The following MAML2 variants were observed in gnomAD, a reference collection of about 807,000 sequenced individuals.
MAML2 encodes mastermind like transcriptional coactivator 2.
In MAML2, 22 loss-of-function variants were observed where a neutral mutation model predicts 96.1. That is an observed-to-expected ratio of 0.23 (90% CI 0.16 to 0.33). MAML2 has a LOEUF of 0.33. Among genes scored for constraint, MAML2 ranks in the 10% least tolerant of loss-of-function variants. The pLI, the probability that MAML2 is intolerant of heterozygous loss-of-function variation, is 1.00. For synonymous variants in MAML2, 561 were observed against 521.3 expected (o/e 1.08, Z -1.04); for missense variants, 1,367 against 1,392.4 (o/e 0.98, Z 0.29).
intron 1 of MAML2, among the ~76,000 whole-genome samples, chr11:96,246,072 C>A (rs1862509058): frequency 6.6e-6 from 1 of 152,010 alleles, no homozygotes; most frequent in Non-Finnish European, 1.5e-5. Flanking sequence ...CTATGCTAGG[C>A]ACTGGGGACA....
intron 1 of MAML2, among the ~76,000 whole-genome samples, chr11:96,255,995 T>C (rs1862662154): frequency 6.6e-6 from 1 of 150,632 alleles, no homozygotes; most frequent in Non-Finnish European, 1.5e-5. Flanking sequence ...TCCCTCAGCT[T>C]CCCGAGTAGC....
At chr11:96,298,677 A>G (rs1318757412) in intron 1 of MAML2, among the ~76,000 whole-genome samples, 1 of 150,410 alleles carries the variant, frequency 6.6e-6, no homozygotes, top group Non-Finnish European at 1.5e-5. Flanking sequence ...TATTATATAC[A>G]TTTTTCTATG....
chr11:96,318,937 G>T (rs1863667209), intron 1 of MAML2, among the ~76,000 whole-genome samples: 1 of 152,172 alleles, frequency 6.6e-6, no homozygotes, highest in African/African-American at 2.4e-5. Context: ...TCCCAGTGAT[G>T]CCTACTCCCT....
intron 1 of MAML2, among the ~76,000 whole-genome samples, chr11:96,184,874 G>C (rs980537281): frequency 6.6e-6 from 1 of 152,092 alleles, no homozygotes; most frequent in Non-Finnish European, 1.5e-5. Context: ...GATTACAGGC[G>C]TGAGCCACTG....
At chr11:96,019,798 G>C (rs982076342) in intron 2 of MAML2, among the ~76,000 whole-genome samples, 4 of 151,822 alleles carry the variant, frequency 2.6e-5, no homozygotes, top group African/African-American at 9.7e-5. Context: ...CTGGGGAAAT[G>C]GTAAAACTTA....
At chr11:96,128,936 C>T (rs1860497440) in intron 1 of MAML2, among the ~76,000 whole-genome samples, 1 of 152,144 alleles carries the variant, frequency 6.6e-6, no homozygotes, top group Admixed American at 6.5e-5. Flanking sequence ...CATGGAGTCT[C>T]AGTATGGCTC....
At chr11:96,177,975 C>A (rs1402058568) in intron 1 of MAML2, among the ~76,000 whole-genome samples, 3 of 134,368 alleles carry the variant, frequency 2.2e-5, no homozygotes, top group Non-Finnish European at 3.2e-5. Flanking sequence ...AGATCCTCTA[C>A]CTGGGATACA....
intron 1 of MAML2, among the ~76,000 whole-genome samples, chr11:96,168,801 C>T (rs1216498508): frequency 1.3e-5 from 2 of 152,162 alleles, no homozygotes. Flanking sequence ...ATAAAATTCA[C>T]TATGCTGAGA....
At chr11:96,033,634 T>C (rs1372928955) in intron 2 of MAML2, among the ~76,000 whole-genome samples, 1 of 152,170 alleles carries the variant, frequency 6.6e-6, no homozygotes, top group Non-Finnish European at 1.5e-5. Context: ...GGATGGTGCA[T>C]GGCAGAGGAA....
intron 2 of MAML2, among the ~76,000 whole-genome samples, chr11:96,003,834 C>T (rs984534961): frequency 1.3e-4 from 19 of 151,952 alleles, no homozygotes; most frequent in African/African-American, 4.4e-4. Context: ...AAATAATATA[C>T]AATTTCTGAT....
chr11:95,985,821 C>A (rs903230408), intron 3 of MAML2, among the ~76,000 whole-genome samples, 179 bp from the exon 4 acceptor site: 8 of 152,166 alleles, frequency 5.3e-5, no homozygotes, highest in African/African-American at 1.9e-4. Flanking sequence ...TTTCAATAAA[C>A]TTCCTGTATG....
intron 2 of MAML2, among the ~76,000 whole-genome samples, chr11:96,087,915 C>T (rs766841884): frequency 6.6e-6 from 1 of 152,184 alleles, no homozygotes; most frequent in Non-Finnish European, 1.5e-5. Context: ...TCTATTTCTT[C>T]TCTGGCCCTT....
chr11:95,992,496 A>G (rs1441032566), intron 2 of MAML2, among the ~76,000 whole-genome samples: 1 of 152,200 alleles, frequency 6.6e-6, no homozygotes, highest in Non-Finnish European at 1.5e-5. Context: ...AGCTAAACCC[A>G]GTTGAATATT....
chr11:96,316,940 T>G (rs1863640974), intron 1 of MAML2, among the ~76,000 whole-genome samples: 1 of 152,186 alleles, frequency 6.6e-6, no homozygotes, highest in South Asian at 2.1e-4. Context: ...ATAGTTGGAC[T>G]CCTCCTCTGC....
intron 2 of MAML2, among the ~76,000 whole-genome samples, chr11:96,081,248 A>G (rs1474847408): frequency 2.0e-5 from 3 of 151,936 alleles, no homozygotes; most frequent in Admixed American, 6.6e-5. Context: ...TTCCTGGAGG[A>G]AAGCCTTTAC....
At chr11:96,085,165 C>T (rs866066140) in intron 2 of MAML2, among the ~76,000 whole-genome samples, 19 of 102,634 alleles carry the variant, frequency 1.9e-4, no homozygotes, top group Middle Eastern at 5.7e-3. Context: ...CTAGGCTATG[C>T]GTATGTGTGT....
intron 1 of MAML2, among the ~76,000 whole-genome samples, chr11:96,266,386 C>A (rs750140012): frequency 1.2e-4 from 18 of 152,084 alleles, no homozygotes; most frequent in Non-Finnish European, 2.6e-4. Context: ...CTGGCTAACA[C>A]GGTAAAACCC....
Position 96,166,177 on chromosome 11 carries a change from T to TCACACACA in MAML2, c.514-72668_514-72661dup, listed in dbSNP as rs1555018442. Among the ~76,000 whole-genome samples the TCACACACA allele has an allele frequency of 1.0e-3, 110 of 110,378 alleles. 1 individual carries two copies. Among genetic ancestry groups the TCACACACA allele is most frequent in the African/African-American group, 3.3e-3 (94 of 28,644 alleles). The allele number at this position is 110,378 out of a possible 152,430, so 72.4% of individuals were successfully genotyped here. On this transcript the variant is annotated intron_variant, in intron 1 of 4. Coordinates refer to ENST00000524717, the MANE Select transcript of MAML2 (RefSeq NM_032427.4). Reference sequence around the variant, plus strand: ...CTGTCTCTCTCTCTCTCTCTCTCTCTCACACACACACACACACACACACAC... The same window carrying TCACACACA: ...CTGTCTCTCTCTCTCTCTCTCTCTCTCACACACACACACACACACACACACACACACAC...
chr11:95,980,956 C>G (rs886502913), intron 4 of MAML2, among the ~76,000 whole-genome samples: 1 of 152,176 alleles, frequency 6.6e-6, no homozygotes, highest in Admixed American at 6.5e-5. Context: ...TTCCGACTGA[C>G]TCTTTCTGAA....
Sources: gnomAD v4.1 joint callset for allele counts (sites outside exome capture counted in the v4.1 genomes callset) on GRCh38, gnomAD v4.1.1 for gene constraint, MANE v1.5 for transcripts, NCBI Gene and HGNC (gene_info 2026-07-23, HGNC 2026-07-21) for gene names.